Variants in SNX27 observed in about 807,000 individuals in gnomAD.
SNX27 encodes sorting nexin 27.
SNX27 carries 22 observed loss-of-function variants against 71.6 expected under a neutral mutation model. The observed-to-expected ratio is 0.31, with a 90% CI of 0.22 to 0.44. SNX27 has a LOEUF of 0.44. SNX27 is among the 20% of genes least tolerant of loss of function. The pLI, the probability that SNX27 is intolerant of heterozygous loss-of-function variation, is 1.00. For synonymous variants in SNX27, 269 were observed against 277.2 expected (o/e 0.97, Z 0.29); for missense variants, 531 against 698.6 (o/e 0.76, Z 2.70).
intron 1 of SNX27, among the ~76,000 whole-genome samples, chr1:151,616,963 G>A (rs189612741): frequency 8.9e-4 from 135 of 152,152 alleles, no homozygotes; most frequent in African/African-American, 3.2e-3. Flanking sequence ...ACATGCCCAG[G>A]GTGATGCAGT....
At chr1:151,693,665 G>T in intron 11 of SNX27, 182 bp downstream of exon 11, 6 of 1,612,574 alleles carry the variant, frequency 3.7e-6, no homozygotes, top group Non-Finnish European at 5.1e-6. Flanking sequence ...TCTGGATGGT[G>T]AACGGGCTGT....
chr1:151,689,657 T>C (rs1479769858), intron 8 of SNX27, among the ~76,000 whole-genome samples: 1 of 152,046 alleles, frequency 6.6e-6, no homozygotes, highest in African/African-American at 2.4e-5. Context: ...AGGACATGAG[T>C]AGTACTAGTT....
chr1:151,655,549 ACT>A (rs1486474487), intron 2 of SNX27, among the ~76,000 whole-genome samples: 2 of 151,800 alleles, frequency 1.3e-5, no homozygotes, highest in African/African-American at 4.8e-5. Context: ...AAGTTGCCAA[ACT>A]CTGTTTGGGT....
chr1:151,641,640 C>CAG lies in SNX27; in HGVS notation c.543+2522_543+2523insGA, dbSNP rs1163952998. On this transcript the variant is annotated intron_variant, in intron 2 of 11. Transcript: ENST00000458013. ...ATATATATATATATATCATATGTAT[C>CAG]ATATATATATCATATGTATCAGATA... Among the ~76,000 whole-genome samples, 278 of 80,000 alleles carry CAG rather than the reference C, an allele frequency of 3.5e-3. 1 individual carries two copies. The highest frequency in any genetic ancestry group is 0.011 in the African/African-American group (267 of 23,784). 52.5% of individuals were successfully genotyped at this position (80,000 alleles called of 152,430 possible).
At chr1:151,641,775 A>G (rs1337151302) in intron 2 of SNX27, among the ~76,000 whole-genome samples, 2 of 30,776 alleles carry the variant, frequency 6.5e-5, no homozygotes, top group East Asian at 4.9e-4. Flanking sequence ...TGCTATATAT[A>G]TCTGATATAT....
At chr1:151,645,888 C>T (rs1297946905) in intron 2 of SNX27, among the ~76,000 whole-genome samples, 2 of 152,154 alleles carry the variant, frequency 1.3e-5, no homozygotes, top group African/African-American at 4.8e-5. Flanking sequence ...AATTCAGACT[C>T]CTCAGATAAT....
chr1:151,661,294 T>G (rs1669957710), intron 4 of SNX27: 1 of 165,294 alleles, frequency 6.0e-6, no homozygotes, highest in Non-Finnish European at 1.3e-5. Context: ...ATCAAGCATG[T>G]TGTAGGTGCT....
intron 7 of SNX27, chr1:151,677,940 T>C (rs1670770817): frequency 6.6e-6 from 1 of 152,204 alleles, no homozygotes; most frequent in South Asian, 2.1e-4. Flanking sequence ...AAGTATACAA[T>C]TTGATAATTT....
rs78464388 is a variant in SNX27, at chr1:151,670,431, C to T, written c.1149+1796C>T. ...ATACCCAGCAGTGGGATTGCTGGATCGTATGATGGTTCTATTTTTAGTTTT... is the reference window on the plus strand; with the variant it reads ...ATACCCAGCAGTGGGATTGCTGGATTGTATGATGGTTCTATTTTTAGTTTT... On this transcript the variant is annotated intron_variant, in intron 7 of 11. Coordinates refer to ENST00000458013, the MANE Select transcript of SNX27 (RefSeq NM_001330723.2). 8.9e-3 allele frequency among the ~76,000 whole-genome samples: 1,360 copies of T among 152,248 alleles called. 16 individuals carry two copies. The highest frequency in any genetic ancestry group is 0.031 in the African/African-American group (1,273 of 41,546).
rs910596208 is a variant in SNX27, at chr1:151,638,751, C to T, written c.312-137C>T. Reference sequence around the variant, plus strand: ...TTAGAAACTGTTAAAACATAAACAACTTTTCTGGAACCAAATTAATCTTTT... The same window carrying T: ...TTAGAAACTGTTAAAACATAAACAATTTTTCTGGAACCAAATTAATCTTTT... On this transcript the variant is annotated intron_variant, in intron 1 of 11. Coordinates refer to ENST00000458013, the MANE Select transcript of SNX27 (RefSeq NM_001330723.2). 7.5e-6 allele frequency: 6 copies of T among 798,640 alleles called. No homozygotes were observed. In the African/African-American group the frequency reaches 1.0e-4, roughly 14 times the overall value. 49.5% of individuals were successfully genotyped at this position (798,640 alleles called of 1,614,324 possible).
intron 7 of SNX27, among the ~76,000 whole-genome samples, chr1:151,680,952 G>A (rs894319352): frequency 1.3e-5 from 2 of 152,144 alleles, no homozygotes; most frequent in South Asian, 4.1e-4. Context: ...GCCTAAGTGA[G>A]CCTTCACTTG....
intron 7 of SNX27, 52 bp downstream of exon 7, chr1:151,668,687 T>C (rs748432245): frequency 6.5e-7 from 1 of 1,544,862 alleles, no homozygotes; most frequent in Non-Finnish European, 8.8e-7. Flanking sequence ...TGTTTGAATA[T>C]AGTTGGTACT....
chr1:151,638,789 C>T (rs1668586256), intron 1 of SNX27, 99 bp from the exon 2 acceptor site: 2 of 1,046,820 alleles, frequency 1.9e-6, no homozygotes, highest in Non-Finnish European at 2.9e-6. Flanking sequence ...CTTCATGGTT[C>T]ATACCGTGTG....
rs143267797 is a variant in SNX27 at position 151,632,502 on chromosome 1, A to G, written c.312-6386A>G. 7.2e-5 allele frequency among the ~76,000 whole-genome samples: 11 copies of G among 152,268 alleles called. No individual in the cohort carries two copies. The East Asian group carries it at 1.9e-3, about 27-fold the overall frequency. On this transcript the variant is annotated intron_variant, in intron 1 of 11. Coordinates refer to ENST00000458013, the MANE Select transcript of SNX27 (RefSeq NM_001330723.2). The stretch of plus-strand genomic sequence containing the variant: ...ATACTAGGTTTGAAATATGTGTCCT[A>G]TTGTTTATAGGAGATTAAGACAAAA...
At chr1:151,651,419 G>A (rs1311570312) in intron 2 of SNX27, among the ~76,000 whole-genome samples, 1 of 151,564 alleles carries the variant, frequency 6.6e-6, no homozygotes, top group African/African-American at 2.4e-5. Context: ...GTGGCTGCCG[G>A]GCGGAGACGC....
Position 151,696,648 on chromosome 1 carries a change from T to TC in SNX27, c.*2232dup, listed in dbSNP as rs1411588181. On this transcript the variant is annotated 3_prime_UTR_variant, in exon 12 of 12. Transcript: ENST00000458013. ...TTTCCCCTTCCTTCCTTCCTTTTTTTCTGTTTTTTTTTTTTTTTTTTCCCA... is the reference window on the plus strand; with the variant it reads ...TTTCCCCTTCCTTCCTTCCTTTTTTTCCTGTTTTTTTTTTTTTTTTTTCCCA... 1 of 125,882 alleles carries TC rather than the reference T, an allele frequency of 7.9e-6. No individual in the cohort carries two copies. The highest frequency in any genetic ancestry group is 1.6e-5 in the Non-Finnish European group (1 of 63,640). 7.8% of individuals were successfully genotyped at this position (125,882 alleles called of 1,614,324 possible). A position where few individuals can be genotyped will look rare whatever the true frequency, so the allele number is the denominator to read the frequency against.
At chr1:151,681,033 T>C (rs1558071664) in intron 7 of SNX27, among the ~76,000 whole-genome samples, 1 of 152,126 alleles carries the variant, frequency 6.6e-6, no homozygotes, top group Non-Finnish European at 1.5e-5. Context: ...TTCATATCCT[T>C]GTACGGTTCT....
At chr1:151,666,213 T>C (rs1369659354) in intron 6 of SNX27, 3 of 385,910 alleles carry the variant, frequency 7.8e-6, no homozygotes, top group African/African-American at 2.1e-5. Context: ...TAAGTATAGG[T>C]TATAACTAGC....
At chr1:151,682,222 A>G (rs1342036598) in intron 7 of SNX27, among the ~76,000 whole-genome samples, 1 of 152,248 alleles carries the variant, frequency 6.6e-6, no homozygotes, top group Non-Finnish European at 1.5e-5. Flanking sequence ...AGTTATTCCA[A>G]TAAGTATACC....
Sources: gnomAD v4.1 joint callset for allele counts (sites outside exome capture counted in the v4.1 genomes callset) on GRCh38, gnomAD v4.1.1 for gene constraint, MANE v1.5 for transcripts, NCBI Gene and HGNC (gene_info 2026-07-23, HGNC 2026-07-21) for gene names.